Variants in HSD17B2 observed in about 807,000 individuals in gnomAD.
HSD17B2 encodes the protein 17-beta-hydroxysteroid dehydrogenase type 2.
Under a neutral mutation model 26.9 loss-of-function variants are expected in HSD17B2, and 32 were observed. The observed-to-expected ratio is 1.19, with a 90% CI of 0.90 to 1.60. HSD17B2 has a LOEUF of 1.60. Ranked by LOEUF, HSD17B2 falls within the 40% of genes most tolerant of loss-of-function variation. The probability of loss-of-function intolerance (pLI) is 0.00; values close to 1 mark genes in which losing one functional copy is unlikely to be tolerated. For synonymous variants in HSD17B2, 246 were observed against 186.7 expected, an observed-to-expected ratio of 1.32 and a Z score of -2.59; for missense variants, 613 against 468.6, an observed-to-expected ratio of 1.31 and a Z score of -2.85.
rs779926235 is a variant in HSD17B2, at chr16:82,098,164, G to A, written c.892G>A (p.Asp298Asn). ...TGAGGTACAGGAAGACTACGGCCAG[G>A]ACTACATCTTAGCACAGCGGAATTT... is the stretch of plus-strand genomic sequence containing the variant. ...PAEVQEDYGQ[D>N]YILAQRNFLL... is the part of the protein sequence containing the mutation. The change falls in exon 5 of 5, where the codon GAC (aspartate) becomes AAC (asparagine). Residue 298 changes from aspartate to asparagine, a missense_variant. Coordinates refer to ENST00000199936, the MANE Select transcript of HSD17B2 (RefSeq NM_002153.3). 2 of 1,613,958 alleles carry A rather than the reference G, an allele frequency of 1.2e-6. No individual in the cohort carries two copies. The highest frequency in any genetic ancestry group is 1.3e-5 in the African/African-American group (1 of 74,900).
At chr16:82,084,839 C>A (rs1904479904) in intron 3 of HSD17B2, among the ~76,000 whole-genome samples, 1 of 152,172 alleles carries the variant, frequency 6.6e-6, no homozygotes, top group Non-Finnish European at 1.5e-5. Flanking sequence ...CTCAAGCGAT[C>A]CTCCCACTTC....
Position 82,071,045 on chromosome 16 carries a change from T to C in HSD17B2, c.582T>C (p.Phe194=), listed in dbSNP as rs1446549628. The C allele has an allele frequency of 1.9e-6, 3 of 1,614,236 alleles. No homozygotes were observed. Among genetic ancestry groups the C allele is most frequent in the Admixed American group, 1.7e-5 (1 of 60,030 alleles). Residue 194 remains phenylalanine (F), a synonymous_variant, in exon 3 of 5, where the codon TTT becomes TTC. Coordinates refer to ENST00000199936, the MANE Select transcript of HSD17B2 (RefSeq NM_002153.3). The part of the protein sequence containing the change: ...DYKQCMAVNF[F]GTVEVTKTFL... ...AACAATGCATGGCCGTGAACTTCTT[T>C]GGAACTGTGGAGGTCACAAAGACGT... is the stretch of plus-strand genomic sequence containing the variant.
At chr16:82,077,649 G>C (rs964626263) in intron 3 of HSD17B2, among the ~76,000 whole-genome samples, 11 of 152,022 alleles carry the variant, frequency 7.2e-5, no homozygotes, top group Admixed American at 3.9e-4. Flanking sequence ...TGGATCACTT[G>C]AGCTCAGGGA....
At chr16:82,085,901 G>C (rs1904514590) in intron 3 of HSD17B2, among the ~76,000 whole-genome samples, 1 of 151,844 alleles carries the variant, frequency 6.6e-6, no homozygotes, top group Non-Finnish European at 1.5e-5. Context: ...CCCTAAAATG[G>C]CCGTAATGAA....
chr16:82,046,616 G>A (rs1913937816), intron 1 of HSD17B2, among the ~76,000 whole-genome samples: 2 of 151,772 alleles, frequency 1.3e-5, no homozygotes, highest in Non-Finnish European at 2.9e-5. Context: ...CCAGCTACTC[G>A]GGGAGGCTGA....
chr16:82,068,238 G>A lies in HSD17B2; in HGVS notation c.334G>A (p.Gly112Arg), dbSNP rs752344353. 2.2e-5 allele frequency: 36 copies of A among 1,613,916 alleles called. No individual in the cohort carries two copies. The highest frequency in any genetic ancestry group is 1.3e-4 in the Admixed American group (8 of 59,996). Residue 112 changes from glycine (G) to arginine (R), a missense_variant, in exon 2 of 5, where the codon GGA (glycine) becomes AGA (arginine). Physicochemically the swap from Gly to Arg is moderately radical, Grantham distance 125. Transcript: ENST00000199936. ...TGAGCTGGGCTTCACGGTATTTGCC[G>A]GAGTTTTGAATGAAAATGGCCCAGG... ...LDELGFTVFA[G>R]VLNENGPGAE...
At chr16:82,069,561 C>G (rs982333451) in intron 2 of HSD17B2, among the ~76,000 whole-genome samples, 1 of 152,208 alleles carries the variant, frequency 6.6e-6, no homozygotes, top group Non-Finnish European at 1.5e-5. Flanking sequence ...TTTCTTTCCA[C>G]TTCTCCTGGA....
chr16:82,065,889 T>G (rs1313137898), intron 1 of HSD17B2, among the ~76,000 whole-genome samples: 1 of 152,210 alleles, frequency 6.6e-6, no homozygotes, highest in Non-Finnish European at 1.5e-5. Flanking sequence ...TAATTTCTAC[T>G]GTAGACATTT....
intron 3 of HSD17B2, 97 bp downstream of exon 3, chr16:82,071,224 G>A (rs1396644301): frequency 4.3e-6 from 5 of 1,170,916 alleles, no homozygotes; most frequent in African/African-American, 1.5e-5. Context: ...GGCATGCAAA[G>A]GCAGGGTTGG....
chr16:82,096,682 A>T (rs1472055653), intron 4 of HSD17B2: 1 of 152,156 alleles, frequency 6.6e-6, no homozygotes, highest in African/African-American at 2.4e-5. Flanking sequence ...CCAAAAGATG[A>T]GTGTCTGTGG....
At chr16:82,060,202 G>T (rs2143960191) in intron 1 of HSD17B2, among the ~76,000 whole-genome samples, 1 of 152,276 alleles carries the variant, frequency 6.6e-6, no homozygotes, top group East Asian at 1.9e-4. Flanking sequence ...TAAACTAAAG[G>T]GTGGGGAAAG....
intron 1 of HSD17B2, among the ~76,000 whole-genome samples, chr16:82,065,135 C>A (rs141712222): frequency 2.4e-4 from 36 of 152,278 alleles, no homozygotes; most frequent in Middle Eastern, 6.8e-3. Flanking sequence ...TTGAACACAT[C>A]AAAGTGTTTG....
chr16:82,095,930 A>T (rs1198258009), intron 4 of HSD17B2: 1 of 152,232 alleles, frequency 6.6e-6, no homozygotes, highest in African/African-American at 2.4e-5. Flanking sequence ...AAGGGCACAC[A>T]AAACTGTTAG....
chr16:82,082,384 A>G (rs1212488231), intron 3 of HSD17B2, among the ~76,000 whole-genome samples: 4 of 152,164 alleles, frequency 2.6e-5, no homozygotes, highest in Admixed American at 2.6e-4. Flanking sequence ...GTCCTCTTCA[A>G]TAGGTTTCTT....
chr16:82,039,294 T>C (rs1913704487), intron 1 of HSD17B2, among the ~76,000 whole-genome samples: 1 of 149,770 alleles, frequency 6.7e-6, no homozygotes, highest in African/African-American at 2.5e-5. Flanking sequence ...CACACACCCC[T>C]GCATATGTTA....
rs913944822 is a variant in HSD17B2, at chr16:82,068,391, G to T, written c.478+9G>T. 22 of 1,603,798 alleles carry T rather than the reference G, an allele frequency of 1.4e-5. No homozygotes were observed. The highest frequency in any genetic ancestry group is 1.4e-5 in the Non-Finnish European group (17 of 1,175,414). On this transcript the variant is annotated intron_variant, in intron 2 of 4. Transcript: ENST00000199936. ...AATGCTGCAGGACAGAGGTACTGCCGCCAGCACCCTCAGTGCCTTTACCCT... is the reference window on the plus strand; with the variant it reads ...AATGCTGCAGGACAGAGGTACTGCCTCCAGCACCCTCAGTGCCTTTACCCT...
chr16:82,065,290 AC>A (rs1469361069), intron 1 of HSD17B2, among the ~76,000 whole-genome samples: 1 of 151,974 alleles, frequency 6.6e-6, no homozygotes. Flanking sequence ...TGGGTGGATG[AC>A]CCCTTTCCCC....
chr16:82,067,508 T>C (rs771243703), intron 1 of HSD17B2, among the ~76,000 whole-genome samples: 1 of 152,250 alleles, frequency 6.6e-6, no homozygotes, highest in Non-Finnish European at 1.5e-5. Context: ...ACTTTGTGTA[T>C]TACATTAGTC....
At chr16:82,096,685 G>A (rs1256474821) in intron 4 of HSD17B2, 2 of 152,074 alleles carry the variant, frequency 1.3e-5, no homozygotes, top group Non-Finnish European at 2.9e-5. Context: ...AAAGATGAGT[G>A]TCTGTGGCAG....
Sources: allele counts gnomAD v4.1 joint callset (sites outside exome capture counted in the v4.1 genomes callset), GRCh38; gene constraint gnomAD v4.1.1; transcripts MANE v1.5; gene names NCBI Gene and HGNC (gene_info 2026-07-23, HGNC 2026-07-21).